SLC2A3: variants seen among roughly 807,000 people sequenced by gnomAD.
SLC2A3 encodes the protein solute carrier family 2, facilitated glucose transporter member 3.
In SLC2A3, 21 loss-of-function variants were observed where a neutral mutation model predicts 46.4. The observed-to-expected ratio is 0.45, with a 90% CI of 0.32 to 0.65. The LOEUF (loss-of-function observed/expected upper bound fraction) is 0.65. Ranked by LOEUF, SLC2A3 falls within the 30% of genes least tolerant of loss-of-function variation. The pLI is 0.04. For missense variants in SLC2A3, 499 were observed against 623.3 expected (o/e 0.80, Z 2.12); for synonymous variants, 213 against 239.4 (o/e 0.89, Z 1.02).
Position 7,930,495 on chromosome 12 carries a change from CCTCTT to C in SLC2A3, c.653_657del (p.Glu218GlyfsTer4). 6.2e-7 allele frequency: 1 copy of C among 1,613,474 alleles called. No individual in the cohort carries two copies. On this transcript the variant is annotated frameshift_variant, in exon 5 of 10. Coordinates refer to ENST00000075120, the MANE Select transcript of SLC2A3 (RefSeq NM_006931.3). LOFTEE classifies it high-confidence loss of function. ...GGATACTCACTCTGCTTAGCATTCT[CCTCTT>C]CTTTTCTGTTAATGAGCAAAAATCT...
chr12:7,931,116 CTATCTAT>C, intron 4 of SLC2A3, 122 bp downstream of exon 4: 1 of 1,462,672 alleles, frequency 6.8e-7, no homozygotes, highest in South Asian at 1.4e-5. Flanking sequence ...TCTTCAGCTA[CTATCTAT>C]TATCTAAAAC....
At position 7,935,889 on chromosome 12, in the gene SLC2A3, G is replaced by T; in HGVS notation, c.15+131C>A. On this transcript the variant is annotated intron_variant, in intron 1 of 9. Transcript: ENST00000075120. ...TGAAGCGGCAGCAGTGCAGGCTAGA[G>T]ACGAAATGAAAAGGCCTTAAGATAG... 5.1e-6 allele frequency: 4 copies of T among 787,348 alleles called. No individual in the cohort carries two copies. In the South Asian group the frequency reaches 5.6e-5, roughly 11 times the overall value. The allele number at this position is 787,348 out of a possible 1,614,324, so 48.8% of individuals were successfully genotyped here.
At chr12:7,933,289 TTA>T in intron 2 of SLC2A3, 142 bp from the exon 3 acceptor site, 2 of 914,318 alleles carry the variant, frequency 2.2e-6, no homozygotes, top group Non-Finnish European at 1.6e-6. Flanking sequence ...GTATTGGAAT[TTA>T]TGTTAACTCT....
chr12:7,930,151 A>G, intron 5 of SLC2A3: 1 of 592,674 alleles, frequency 1.7e-6, no homozygotes, highest in Non-Finnish European at 2.7e-6. Context: ...ATGCCCGGCT[A>G]ATTTTGTATT....
chr12:7,935,639 C>G (rs1216094885), intron 1 of SLC2A3, among the ~76,000 whole-genome samples: 1 of 152,134 alleles, frequency 6.6e-6, no homozygotes, highest in African/African-American at 2.4e-5. Flanking sequence ...CCTCCAAACA[C>G]AGACCTTTTC....
chr12:7,935,937 G>T, intron 1 of SLC2A3, 83 bp downstream of exon 1: 1 of 1,174,008 alleles, frequency 8.5e-7, no homozygotes, highest in Non-Finnish European at 1.3e-6. Flanking sequence ...GGAGAAAATA[G>T]AACAAGGAGA....
rs1181064683 is a variant in SLC2A3 at position 7,924,278 on chromosome 12, T to C, written c.1068+132A>G. On this transcript the variant is annotated intron_variant, in intron 8 of 9. Transcript: ENST00000075120. ...CTGACGACCCATGTTTCTTAAACTC[T>C]GGGCATCCTGCTTCTCTCCTCTGAC... 3.3e-6 allele frequency: 5 copies of C among 1,508,704 alleles called. No individual in the cohort carries two copies. The Admixed American group carries it at 9.3e-5, about 28-fold the overall frequency. The allele number at this position is 1,508,704 out of a possible 1,614,324, so 93.5% of individuals were successfully genotyped here.
intron 6 of SLC2A3, among the ~76,000 whole-genome samples, chr12:7,928,857 CTA>C (rs909806046): frequency 4.0e-5 from 6 of 151,718 alleles, no homozygotes; most frequent in Admixed American, 3.3e-4. Context: ...CAGGGTCATA[CTA>C]TATTTCCCAG....
At chr12:7,926,652 C>T (rs1946098053) in intron 6 of SLC2A3, among the ~76,000 whole-genome samples, 1 of 152,128 alleles carries the variant, frequency 6.6e-6, no homozygotes, top group African/African-American at 2.4e-5. Context: ...AGGCATGTGC[C>T]ATCAGGCCCA....
chr12:7,934,600 T>C (rs1305763607), intron 1 of SLC2A3, among the ~76,000 whole-genome samples: 14 of 152,126 alleles, frequency 9.2e-5, no homozygotes, highest in Non-Finnish European at 1.9e-4. Context: ...TCACCTTGCC[T>C]GGAATAATTC....
At chr12:7,922,246 G>A (rs1388082985) in intron 9 of SLC2A3, among the ~76,000 whole-genome samples, 1 of 151,962 alleles carries the variant, frequency 6.6e-6, no homozygotes. Flanking sequence ...TGTATTTATT[G>A]TAGAAACAGG....
intron 1 of SLC2A3, among the ~76,000 whole-genome samples, chr12:7,935,608 A>G (rs1946204841): frequency 6.6e-6 from 1 of 152,176 alleles, no homozygotes. Context: ...GGACAAACAG[A>G]TGGCCAGACC....
At chr12:7,932,801 C>G in intron 3 of SLC2A3, 186 bp downstream of exon 3, 5 of 760,158 alleles carry the variant, frequency 6.6e-6, no homozygotes, top group Non-Finnish European at 1.0e-5. Flanking sequence ...TGGGTGGGAG[C>G]TCTCCAGGGT....
chr12:7,933,227 C>T, intron 2 of SLC2A3, 80 bp from the exon 3 acceptor site: 3 of 1,460,454 alleles, frequency 2.1e-6, no homozygotes, highest in Middle Eastern at 1.8e-4. Flanking sequence ...GGATCATTTC[C>T]TTCCTAGAGA....
At position 7,936,151 on chromosome 12, in the gene SLC2A3, C is replaced by T. The variant is rs371049489; in HGVS notation, c.-117G>A. The stretch of plus-strand genomic sequence containing the variant: ...CAGCAGCAAGTTTTCTCCACGTCCT[C>T]AGGAAGGATCCAAAGTCTTACCATT... On this transcript the variant is annotated 5_prime_UTR_variant, in exon 1 of 10. Transcript: ENST00000075120. 3,311 of 843,392 alleles carry T rather than the reference C, an allele frequency of 3.9e-3. 24 individuals carry two copies. The highest frequency in any genetic ancestry group is 4.6e-3 in the Non-Finnish European group (2,249 of 485,316). The allele number at this position is 843,392 out of a possible 1,614,324, so 52.2% of individuals were successfully genotyped here. A position where few individuals can be genotyped will look rare whatever the true frequency, so the allele number is the denominator to read the frequency against.
rs371140545 is a variant in SLC2A3 at position 7,921,551 on chromosome 12, A to G, written c.1353T>C (p.Pro451=). The stretch of plus-strand genomic sequence containing the variant: ...CCTCAAAAGTCCTGCCACGGGTCTC[A>G]GGGACTTTGAAGAAGGTAAAAGCCA... ...TFLAFTFFKV[P]ETRGRTFEDI... Residue 451 remains proline (P), a synonymous_variant, in exon 10 of 10, where the codon CCT becomes CCC. Transcript: ENST00000075120. 1.3e-5 allele frequency: 21 copies of G among 1,613,968 alleles called. No homozygotes were observed. The highest frequency in any genetic ancestry group is 1.7e-4 in the Middle Eastern group (1 of 6,056).
intron 6 of SLC2A3, among the ~76,000 whole-genome samples, chr12:7,928,036 AT>A (rs1946113193): frequency 6.6e-6 from 1 of 151,308 alleles, no homozygotes; most frequent in East Asian, 1.9e-4. Context: ...AACCCAGGAG[AT>A]GGAGGTTGTG....
At chr12:7,928,976 T>A (rs1206405771) in intron 6 of SLC2A3, among the ~76,000 whole-genome samples, 1 of 151,946 alleles carries the variant, frequency 6.6e-6, no homozygotes, top group East Asian at 1.9e-4. Context: ...GATTCTGACA[T>A]AACAGCCTCT....
At chr12:7,930,792 G>GTTTTTTTTTTTTTTTTT in intron 4 of SLC2A3, 150 bp from the exon 5 acceptor site, 1 of 236,022 alleles carries the variant, frequency 4.2e-6, no homozygotes, top group Non-Finnish European at 6.7e-6. Flanking sequence ...ACTCAGCATG[G>GTTTTTTTTTTTTTTTTT]TTTTTTTTTT....
Sources: allele counts gnomAD v4.1 joint callset (sites outside exome capture counted in the v4.1 genomes callset), GRCh38; gene constraint gnomAD v4.1.1; transcripts MANE v1.5; gene names NCBI Gene and HGNC (gene_info 2026-07-23, HGNC 2026-07-21).